The following RNF130 variants were observed in gnomAD, a reference collection of about 807,000 sequenced individuals.
The protein encoded by RNF130 is ring finger protein 130, also known as E3 ubiquitin-protein ligase RNF130.
In RNF130, 21 loss-of-function variants were observed where a neutral mutation model predicts 44.6. That is an observed-to-expected ratio of 0.47 (90% CI 0.33 to 0.68). RNF130 has a LOEUF of 0.68. RNF130 is among the 30% of genes least tolerant of loss of function. The pLI is 0.02. For synonymous variants in RNF130, 214 were observed against 210.4 expected (o/e 1.02, Z -0.15); for missense variants, 479 against 560.6 (o/e 0.85, Z 1.47).
exon 8 of RNF130, chr5:179,913,106 T>A (rs1225225352): frequency 6.6e-6 from 1 of 152,282 alleles, no homozygotes; most frequent in Non-Finnish European, 1.5e-5. Context: ...GCTCACCACA[T>A]GCCCTCCGAG....
chr5:180,007,445 G>C (rs995787949), intron 3 of RNF130, among the ~76,000 whole-genome samples: 2 of 152,154 alleles, frequency 1.3e-5, no homozygotes, highest in Non-Finnish European at 2.9e-5. Flanking sequence ...ATCAGAGTCT[G>C]TCCTTAAACT....
chr5:179,990,680 C>T (rs1329888021), intron 3 of RNF130, among the ~76,000 whole-genome samples: 4 of 152,214 alleles, frequency 2.6e-5, no homozygotes, highest in South Asian at 4.1e-4. Context: ...TGGTAATGGG[C>T]GTCTTCCCAG....
At chr5:179,919,593 G>A (rs959637638) in exon 8 of RNF130, 1 of 152,392 alleles carries the variant, frequency 6.6e-6, no homozygotes, top group Non-Finnish European at 1.5e-5. Context: ...ACAGGCTGCA[G>A]GGACGGAGGG....
chr5:179,940,158 TG>T (rs1761951855), intron 7 of RNF130: 1 of 153,514 alleles, frequency 6.5e-6, no homozygotes, highest in African/African-American at 2.4e-5. Context: ...AACAGACGGT[TG>T]GAATGGGCAA....
In RNF130 at chr5:180,002,945, A is replaced by T. The variant is rs879281649; in HGVS notation, c.693+10116T>A. 8.5e-5 allele frequency among the ~76,000 whole-genome samples: 13 copies of T among 152,068 alleles called. No individual in the cohort carries two copies. The South Asian group carries it at 1.9e-3, about 22-fold the overall frequency. On this transcript the variant is annotated intron_variant, in intron 3 of 8. Transcript: ENST00000521389. The stretch of plus-strand genomic sequence containing the variant: ...TTGTTATTATTATTATTATTAAGGA[A>T]TTTGAGGAGATTTTACAAGAATCTC...
At chr5:180,066,936 G>GATCA (rs1393174225) in intron 1 of RNF130, among the ~76,000 whole-genome samples, 1 of 152,190 alleles carries the variant, frequency 6.6e-6, no homozygotes, top group African/African-American at 2.4e-5. Flanking sequence ...GAGGCAGGAG[G>GATCA]ATCAATCACT....
chr5:180,000,591 CTTTTT>C (rs149740298), intron 3 of RNF130, among the ~76,000 whole-genome samples: 4 of 151,196 alleles, frequency 2.6e-5, no homozygotes, highest in Non-Finnish European at 4.4e-5. Context: ...ATTCTTATTT[CTTTTT>C]TTTTGTCTCT....
chr5:179,969,580 G>A (rs1762533934), intron 6 of RNF130, among the ~76,000 whole-genome samples: 1 of 151,998 alleles, frequency 6.6e-6, no homozygotes, highest in South Asian at 2.1e-4. Flanking sequence ...TTTTAAAAGT[G>A]GACCATGCCA....
At chr5:179,930,097 G>A (rs141498511) in intron 7 of RNF130, among the ~76,000 whole-genome samples, 30 of 151,182 alleles carry the variant, frequency 2.0e-4, no homozygotes, top group Admixed American at 1.5e-3. Flanking sequence ...TACTCTTGTC[G>A]CCCAGGCTAG....
intron 1 of RNF130, among the ~76,000 whole-genome samples, chr5:180,044,094 G>T (rs1457140137): frequency 6.6e-6 from 1 of 152,104 alleles, no homozygotes; most frequent in Non-Finnish European, 1.5e-5. Flanking sequence ...TTACACTTGA[G>T]CAATTTATTA....
chr5:180,052,270 T>C (rs1488468541), intron 1 of RNF130, among the ~76,000 whole-genome samples: 4 of 152,240 alleles, frequency 2.6e-5, no homozygotes, highest in Non-Finnish European at 4.4e-5. Context: ...GCTTGACATT[T>C]CTCCATGAAT....
intron 3 of RNF130, among the ~76,000 whole-genome samples, chr5:179,980,671 CAA>C (rs1762813073): frequency 6.6e-6 from 1 of 152,192 alleles, no homozygotes; most frequent in African/African-American, 2.4e-5. Context: ...ATCGCATCAT[CAA>C]GTGTGAAGAG....
At chr5:179,938,699 G>C (rs1761932309) in intron 7 of RNF130, among the ~76,000 whole-genome samples, 1 of 152,040 alleles carries the variant, frequency 6.6e-6, no homozygotes, top group Non-Finnish European at 1.5e-5. Flanking sequence ...TGCACAATTA[G>C]AAAACATCCT....
chr5:180,052,055 G>C (rs569594000), intron 1 of RNF130, among the ~76,000 whole-genome samples: 1 of 151,942 alleles, frequency 6.6e-6, no homozygotes, highest in Admixed American at 6.6e-5. Flanking sequence ...TGTTCTCTTG[G>C]CTCCTATCCA....
intron 3 of RNF130, among the ~76,000 whole-genome samples, chr5:179,991,706 G>C (rs1763086461): frequency 6.6e-6 from 1 of 152,022 alleles, no homozygotes; most frequent in Non-Finnish European, 1.5e-5. Context: ...GTAGGGGATG[G>C]TTTCAGGATG....
chr5:179,966,295 A>G (rs1762442654), intron 7 of RNF130, among the ~76,000 whole-genome samples: 1 of 152,128 alleles, frequency 6.6e-6, no homozygotes, highest in African/African-American at 2.4e-5. Flanking sequence ...CCAAAGAGTT[A>G]AGTGCCAAGA....
intron 1 of RNF130, among the ~76,000 whole-genome samples, chr5:180,044,271 G>T (rs1356512678): frequency 1.3e-5 from 2 of 152,040 alleles, no homozygotes; most frequent in East Asian, 3.8e-4. Context: ...TAATTATAGA[G>T]CCAGGAAAAA....
intron 2 of RNF130, among the ~76,000 whole-genome samples, chr5:180,018,832 T>C (rs1051469241): frequency 2.0e-4 from 30 of 152,146 alleles, no homozygotes; most frequent in Admixed American, 1.8e-3. Context: ...AAGAGTCTGA[T>C]CTATGCCCTC....
intron 2 of RNF130, among the ~76,000 whole-genome samples, chr5:180,032,872 A>C (rs1281961999): frequency 6.6e-6 from 1 of 152,228 alleles, no homozygotes; most frequent in African/African-American, 2.4e-5. Flanking sequence ...TGATTTGCAT[A>C]GGTACATACC....
Sources: allele counts gnomAD v4.1 joint callset (sites outside exome capture counted in the v4.1 genomes callset), GRCh38; gene constraint gnomAD v4.1.1; transcripts MANE v1.5; gene names NCBI Gene and HGNC (gene_info 2026-07-23, HGNC 2026-07-21).